The following DIP2B variants were observed in gnomAD, a reference collection of about 807,000 sequenced individuals.
DIP2B encodes DIP2 acetate--CoA ligase B (putative), also known as disco-interacting protein 2 homolog B.
DIP2B carries 76 observed loss-of-function variants against 198.0 expected under a neutral mutation model. The observed-to-expected ratio is 0.38, with a 90% confidence interval of 0.32 to 0.46. DIP2B has a LOEUF of 0.46. Ranked by LOEUF, DIP2B falls within the 20% of genes least tolerant of loss-of-function variation. The pLI is 0.99. For synonymous variants in DIP2B, 701 were observed against 739.1 expected (o/e 0.95, Z 0.84); for missense variants, 1,559 against 1,978.4 (o/e 0.79, Z 4.02).
chr12:50,712,326 A>G (rs1939631001), intron 22 of DIP2B, among the ~76,000 whole-genome samples: 1 of 152,164 alleles, frequency 6.6e-6, no homozygotes, highest in African/African-American at 2.4e-5. Context: ...AGTTTTAGCC[A>G]GGCATGATGG....
intron 3 of DIP2B, among the ~76,000 whole-genome samples, chr12:50,655,455 A>T (rs1479253487): frequency 6.6e-6 from 1 of 152,230 alleles, no homozygotes; most frequent in East Asian, 1.9e-4. Flanking sequence ...GACTTTTGGA[A>T]CATGTTAACT....
chr12:50,669,463 C>T (rs759272352), intron 4 of DIP2B, among the ~76,000 whole-genome samples: 1 of 152,162 alleles, frequency 6.6e-6, no homozygotes, highest in Admixed American at 6.5e-5. Context: ...CACTCTGCCT[C>T]CCAGGCTGGA....
At chr12:50,678,933 G>A in intron 8 of DIP2B, 57 bp downstream of exon 8, 1 of 1,591,370 alleles carries the variant, frequency 6.3e-7, no homozygotes, top group East Asian at 2.2e-5. Flanking sequence ...AATATCATGG[G>A]TAGTGTTTTT....
chr12:50,683,042 G>T, intron 9 of DIP2B, 96 bp from the exon 10 acceptor site: 2 of 1,027,586 alleles, frequency 1.9e-6, no homozygotes, highest in Non-Finnish European at 2.8e-6. Context: ...TTGATTTATT[G>T]TGTTCATGAT....
intron 1 of DIP2B, among the ~76,000 whole-genome samples, chr12:50,547,300 A>T (rs1565820284): frequency 6.6e-6 from 1 of 152,212 alleles, no homozygotes; most frequent in Non-Finnish European, 1.5e-5. Context: ...GAGTAATTTA[A>T]AAATACTTAG....
At chr12:50,576,155 C>T (rs1003423506) in intron 1 of DIP2B, among the ~76,000 whole-genome samples, 8 of 150,682 alleles carry the variant, frequency 5.3e-5, no homozygotes, top group Admixed American at 2.0e-4. Context: ...CTACAACCTC[C>T]GCCTCCTGGG....
Position 50,517,467 on chromosome 12 carries a change from A to G in DIP2B, c.100+12227A>G, listed in dbSNP as rs546632875. On this transcript the variant is annotated intron_variant, in intron 1 of 37. Coordinates refer to ENST00000301180, the MANE Select transcript of DIP2B (RefSeq NM_173602.3). The stretch of plus-strand genomic sequence containing the variant: ...TAGTTCAGGCACTTATTTCTTGCTT[A>G]GACTAATGAGGTAGTCTCCTAACTC... 3.3e-5 allele frequency among the ~76,000 whole-genome samples: 5 copies of G among 152,052 alleles called. 1 individual carries two copies. The South Asian group carries it at 8.3e-4, about 25-fold the overall frequency.
intron 1 of DIP2B, among the ~76,000 whole-genome samples, chr12:50,599,343 C>T (rs950862311): frequency 1.9e-4 from 29 of 151,186 alleles, no homozygotes; most frequent in African/African-American, 6.6e-4. Context: ...AGGCTGAGCA[C>T]GGTGGCTCAC....
intron 1 of DIP2B, among the ~76,000 whole-genome samples, chr12:50,557,308 T>C (rs1479777341): frequency 6.6e-6 from 1 of 152,322 alleles, no homozygotes; most frequent in South Asian, 2.1e-4. Context: ...ACACCTTGCC[T>C]TCCATAGATG....
chr12:50,580,838 A>G (rs983191631), intron 1 of DIP2B, among the ~76,000 whole-genome samples: 1 of 149,080 alleles, frequency 6.7e-6, no homozygotes, highest in Non-Finnish European at 1.5e-5. Flanking sequence ...CTTTATGTTC[A>G]AATGATGGAA....
intron 1 of DIP2B, among the ~76,000 whole-genome samples, chr12:50,609,433 G>A (rs959763663): frequency 2.6e-5 from 4 of 152,216 alleles, no homozygotes; most frequent in African/African-American, 9.6e-5. Flanking sequence ...AACTAGTACA[G>A]CAACTCTGCT....
intron 30 of DIP2B, among the ~76,000 whole-genome samples, chr12:50,729,665 C>T (rs915830399): frequency 2.6e-5 from 4 of 151,720 alleles, no homozygotes; most frequent in African/African-American, 9.7e-5. Context: ...GATAGTTCTT[C>T]CTGTGATGGA....
At chr12:50,654,923 G>C (rs763399284) in intron 3 of DIP2B, 1 of 412,302 alleles carries the variant, frequency 2.4e-6, no homozygotes, top group Non-Finnish European at 4.9e-6. Flanking sequence ...TACATTGCTA[G>C]TAGTAATGCA....
chr12:50,562,807 C>G (rs1289463797), intron 1 of DIP2B, among the ~76,000 whole-genome samples: 2 of 151,810 alleles, frequency 1.3e-5, no homozygotes, highest in African/African-American at 2.4e-5. Flanking sequence ...GTACATATGA[C>G]TTTGTGGCTG....
rs557899382 is a variant in DIP2B, at chr12:50,520,356, A to T, written c.100+15116A>T. 2.6e-5 allele frequency among the ~76,000 whole-genome samples: 4 copies of T among 152,302 alleles called. No individual in the cohort carries two copies. In the South Asian group the frequency reaches 8.3e-4, roughly 32 times the overall value. On this transcript the variant is annotated intron_variant, in intron 1 of 37. Coordinates refer to ENST00000301180, the MANE Select transcript of DIP2B (RefSeq NM_173602.3). ...CGGCCTGAATCTCCTTTTAAAAAAA[A>T]TCAACCCAGCAAGGAATTGTTAGGT...
intron 22 of DIP2B, among the ~76,000 whole-genome samples, chr12:50,713,346 A>AC (rs1939653994): frequency 1.3e-5 from 2 of 152,246 alleles, no homozygotes; most frequent in Admixed American, 1.3e-4. Context: ...TGACCTATGA[A>AC]CAGAAGTTTT....
At chr12:50,729,636 CA>C (rs200896829) in intron 30 of DIP2B, among the ~76,000 whole-genome samples, 5 of 149,126 alleles carry the variant, frequency 3.4e-5, no homozygotes, top group African/African-American at 4.9e-5. Flanking sequence ...TGCTTAAAAA[CA>C]AAAAAAAACA....
At chr12:50,600,684 C>T (rs1472402086) in intron 1 of DIP2B, among the ~76,000 whole-genome samples, 5 of 152,078 alleles carry the variant, frequency 3.3e-5, no homozygotes, top group Non-Finnish European at 7.4e-5. Context: ...TTTTCCCCTT[C>T]CAAAAATTAC....
intron 1 of DIP2B, among the ~76,000 whole-genome samples, chr12:50,603,512 G>C (rs997224413): frequency 1.3e-5 from 2 of 152,260 alleles, no homozygotes; most frequent in East Asian, 3.9e-4. Context: ...GCCAAGGCGG[G>C]TGGATTGCTT....
Sources: gnomAD v4.1 joint callset for allele counts (sites outside exome capture counted in the v4.1 genomes callset) on GRCh38, gnomAD v4.1.1 for gene constraint, MANE v1.5 for transcripts, NCBI Gene and HGNC (gene_info 2026-07-23, HGNC 2026-07-21) for gene names.